Variants in GPR37L1 observed in about 807,000 individuals in gnomAD.
GPR37L1 encodes G protein-coupled receptor 37-like 1.
A neutral mutation model predicts 18.0 loss-of-function variants in GPR37L1; 18 were observed. The observed-to-expected ratio is 1.00, with a 90% CI of 0.69 to 1.49. The LOEUF is 1.49. Among genes scored for constraint, GPR37L1 ranks in the 40% most tolerant of loss-of-function variants. The pLI is 0.00. For synonymous variants in GPR37L1, 256 were observed against 273.9 expected, an observed-to-expected ratio of 0.93 and a Z score of 0.65; for missense variants, 558 against 615.1, an observed-to-expected ratio of 0.91 and a Z score of 0.98.
At chr1:202,125,851 A>T (rs758623734) in intron 1 of GPR37L1, among the ~76,000 whole-genome samples, 2 of 152,108 alleles carry the variant, frequency 1.3e-5, no homozygotes, top group Non-Finnish European at 2.9e-5. Context: ...CCTCCCAAGT[A>T]GCTGGTACCG....
chr1:202,123,519 A>G lies in GPR37L1; in HGVS notation c.556A>G (p.Ile186Val). 1.2e-6 allele frequency: 2 copies of G among 1,612,988 alleles called. No homozygotes were observed. The highest frequency in any genetic ancestry group is 1.3e-5 in the African/African-American group (1 of 74,690). Reference protein sequence around the residue: ...DFLVLFFCLPIVIFNEITKQR... With the variant: ...DFLVLFFCLPVVIFNEITKQR... ...TCTGGTCCTCTTTTTCTGCCTCCCT[A>G]TTGTCATCTTCAACGAGATCACCAA... The change falls in exon 1 of 2, where the codon ATT becomes GTT. Residue 186 changes from isoleucine to valine, a missense_variant. By Grantham distance (29) the Ile-to-Val change is conservative (BLOSUM62 3). Coordinates refer to ENST00000367282, the MANE Select transcript of GPR37L1 (RefSeq NM_004767.5).
At position 202,123,426 on chromosome 1, in the gene GPR37L1, G is replaced by T; in HGVS notation, c.463G>T (p.Val155Leu). 1 of 1,614,140 alleles carries T rather than the reference G, an allele frequency of 6.2e-7. No individual in the cohort carries two copies. The highest frequency in any genetic ancestry group is 1.1e-5 in the South Asian group (1 of 91,076). The change falls in exon 1 of 2, where the codon GTG becomes TTG. Residue 155 changes from valine (V) to leucine (L), a missense_variant. Transcript: ENST00000367282. ...GGGCAACCTGTCGGTCATGTGCATCGTGTGGCACAGCTACTACCTGAAGAG... is the reference window on the plus strand; with the variant it reads ...GGGCAACCTGTCGGTCATGTGCATCTTGTGGCACAGCTACTACCTGAAGAG... ...IVGNLSVMCI[V>L]WHSYYLKSAW...
Position 202,123,002 on chromosome 1 carries a change from G to T in GPR37L1, c.39G>T (p.Val13=). 2 of 1,613,420 alleles carry T rather than the reference G, an allele frequency of 1.2e-6. No homozygotes were observed. Among genetic ancestry groups the T allele is most frequent in the Non-Finnish European group, 8.5e-7 (1 of 1,180,018 alleles). ...GGCCCCTGGCTGTCTCTCTTGCTGT[G>T]ATTTTGGCTGTGGGGCTAAGCAGGG... ...WLWPLAVSLA[V]ILAVGLSRVS... Residue 13 remains valine (V), a synonymous_variant, in exon 1 of 2, where the codon GTG becomes GTT. Transcript: ENST00000367282.
Position 202,123,201 on chromosome 1 carries a change from A to G in GPR37L1, c.238A>G (p.Lys80Glu), listed in dbSNP as rs1654553815. 6.2e-7 allele frequency: 1 copy of G among 1,613,660 alleles called. No individual in the cohort carries two copies. The highest frequency in any genetic ancestry group is 1.3e-5 in the African/African-American group (1 of 74,916). The change falls in exon 1 of 2, where the codon AAG becomes GAG. Residue 80 changes from lysine (K) to glutamate (E), a missense_variant. Lys to Glu is a moderately conservative substitution (Grantham distance 56). Transcript: ENST00000367282. ...TCACCCTGCTGGCCTGCAGCCAACC[A>G]AGCCCTTGGTGGCCACCAGCCCTAA... ...PIHPAGLQPT[K>E]PLVATSPNPG... is the part of the protein sequence containing the mutation.
rs1046409004 is a variant in GPR37L1, at chr1:202,129,813, C to T, written c.*1257C>T. ...GCCTGGAAAATATCTCCTCTGGAGC[C>T]TTCATCTCTGCTATGCCCTCTCTCC... On this transcript the variant is annotated 3_prime_UTR_variant, in exon 2 of 2. Coordinates refer to ENST00000367282, the MANE Select transcript of GPR37L1 (RefSeq NM_004767.5). 6.6e-6 allele frequency: 1 copy of T among 152,416 alleles called. No homozygotes were observed. Among genetic ancestry groups the T allele is most frequent in the African/African-American group, 2.4e-5 (1 of 41,462 alleles). The allele number at this position is 152,416 out of a possible 1,614,324, so 9.4% of individuals were successfully genotyped here.
At position 202,130,984 on chromosome 1, in the gene GPR37L1, C is replaced by T. The variant is rs912538605; in HGVS notation, c.*2428C>T. 2.0e-5 allele frequency: 3 copies of T among 152,274 alleles called. No homozygotes were observed. The highest frequency in any genetic ancestry group is 7.2e-5 in the African/African-American group (3 of 41,466). 9.4% of individuals were successfully genotyped at this position (152,274 alleles called of 1,614,324 possible). On this transcript the variant is annotated 3_prime_UTR_variant, in exon 2 of 2. Transcript: ENST00000367282. ...GCTCTGCCACCGCCACCTCCCAAGC[C>T]TGCCAACGTGAATGGCTTGCAGAAT...
intron 1 of GPR37L1, among the ~76,000 whole-genome samples, chr1:202,124,768 T>C (rs544924200): frequency 9.2e-5 from 14 of 152,308 alleles, no homozygotes; most frequent in East Asian, 1.9e-4. Flanking sequence ...GATGATGTCA[T>C]AGTTGGACAG....
At chr1:202,126,132 G>A (rs530239578) in intron 1 of GPR37L1, among the ~76,000 whole-genome samples, 21 of 152,166 alleles carry the variant, frequency 1.4e-4, no homozygotes, top group Admixed American at 1.2e-3. Context: ...GGGCAGGGCC[G>A]GGCACGGTGG....
Position 202,123,211 on chromosome 1 carries a change from T to C in GPR37L1, c.248T>C (p.Val83Ala). 6.2e-7 allele frequency: 1 copy of C among 1,613,748 alleles called. No individual in the cohort carries two copies. Among genetic ancestry groups the C allele is most frequent in the Non-Finnish European group, 8.5e-7 (1 of 1,179,898 alleles). The change falls in exon 1 of 2, where the codon GTG becomes GCG. Residue 83 changes from valine to alanine, a missense_variant. By Grantham distance (64) the Val-to-Ala change is moderately conservative. Transcript: ENST00000367282. ...GGCCTGCAGCCAACCAAGCCCTTGG[T>C]GGCCACCAGCCCTAACCCCGGCAAG... ...PAGLQPTKPL[V>A]ATSPNPGKDG...
rs1373873141 is a variant in GPR37L1 at position 202,131,928 on chromosome 1, G to T, written c.*3372G>T. On this transcript the variant is annotated 3_prime_UTR_variant, in exon 2 of 2. Transcript: ENST00000367282. ...ATTTTTGATTATTTGTAGAGATAGG[G>T]TCTCACTATTTTGCCCAGGCTGGTC... 2.0e-5 allele frequency: 3 copies of T among 152,072 alleles called. No homozygotes were observed. The allele number at this position is 152,072 out of a possible 1,614,324, so 9.4% of individuals were successfully genotyped here. A position where few individuals can be genotyped will look rare whatever the true frequency, so the allele number is the denominator to read the frequency against.
At position 202,123,525 on chromosome 1, in the gene GPR37L1, A is replaced by G. The variant is rs375369601; in HGVS notation, c.562A>G (p.Ile188Val). 1.2e-6 allele frequency: 2 copies of G among 1,612,772 alleles called. No individual in the cohort carries two copies. Among genetic ancestry groups the G allele is most frequent in the Non-Finnish European group, 1.7e-6 (2 of 1,179,526 alleles). The part of the protein sequence containing the change: ...LVLFFCLPIV[I>V]FNEITKQRLL... ...CCTCTTTTTCTGCCTCCCTATTGTC[A>G]TCTTCAACGAGATCACCAAGCAGAG... Residue 188 changes from isoleucine to valine, a missense_variant, in exon 1 of 2, where the codon ATC becomes GTC. Coordinates refer to ENST00000367282, the MANE Select transcript of GPR37L1 (RefSeq NM_004767.5).
In GPR37L1 at chr1:202,131,262, C is replaced by T. The variant is rs1654846437; in HGVS notation, c.*2706C>T. 1 of 152,162 alleles carries T rather than the reference C, an allele frequency of 6.6e-6. No homozygotes were observed. Among genetic ancestry groups the T allele is most frequent in the Non-Finnish European group, 1.5e-5 (1 of 68,034 alleles). 9.4% of individuals were successfully genotyped at this position (152,162 alleles called of 1,614,324 possible). On this transcript the variant is annotated 3_prime_UTR_variant, in exon 2 of 2. Transcript: ENST00000367282. ...GGGAGCCTGAAATCCACTGGGTCTC[C>T]CTGCTCCACTTGGGAGTCACCTTCT... is the stretch of plus-strand genomic sequence containing the variant.
chr1:202,127,307 T>TTTCCTTCC (rs59628778), intron 1 of GPR37L1, among the ~76,000 whole-genome samples: 89 of 138,974 alleles, frequency 6.4e-4, no homozygotes, highest in Admixed American at 7.5e-4. Flanking sequence ...TCCTTCCTTC[T>TTTCCTTCC]TTCCTTCCTT....
At chr1:202,127,617 A>T in intron 1 of GPR37L1, 124 bp from the exon 2 acceptor site, 1 of 707,268 alleles carries the variant, frequency 1.4e-6, no homozygotes. Context: ...CACCCGGCCC[A>T]TTATTATAAT....
In GPR37L1 at chr1:202,128,563, A is replaced by G; in HGVS notation, c.*7A>G. 3 of 968,324 alleles carry G rather than the reference A, an allele frequency of 3.1e-6. No homozygotes were observed. Among genetic ancestry groups the G allele is most frequent in the Non-Finnish European group, 4.5e-6 (3 of 661,054 alleles). 60.0% of individuals were successfully genotyped at this position (968,324 alleles called of 1,614,324 possible). On this transcript the variant is annotated 3_prime_UTR_variant, in exon 2 of 2. Coordinates refer to ENST00000367282, the MANE Select transcript of GPR37L1 (RefSeq NM_004767.5). ...CCTGGGCACACCTTGCTGAGGCCCC[A>G]GTAGGGGTGGGGAGGGAGGGAGAGG... is the stretch of plus-strand genomic sequence containing the variant.
chr1:202,123,398 T>G lies in GPR37L1; in HGVS notation c.435T>G (p.Ile145Met). ...LLALVVFAVG[I>M]VGNLSVMCIV... ...CGCTGGTGGTGTTTGCGGTGGGCAT[T>G]GTGGGCAACCTGTCGGTCATGTGCA... The change falls in exon 1 of 2, where the codon ATT becomes ATG. Residue 145 changes from isoleucine (I) to methionine (M), a missense_variant. Transcript: ENST00000367282. The G allele has an allele frequency of 6.2e-7, 1 of 1,614,046 alleles. No individual in the cohort carries two copies. The highest frequency in any genetic ancestry group is 1.1e-5 in the South Asian group (1 of 91,072).
Position 202,133,400 on chromosome 1 carries a change from C to G in GPR37L1, c.*4844C>G, listed in dbSNP as rs562704057. On this transcript the variant is annotated 3_prime_UTR_variant, in exon 2 of 2. Transcript: ENST00000367282. ...CGGAAAAGTAACCAGCACCATACAC[C>G]CCCCCCAACACAAAACTGGTCATTT... The G allele has an allele frequency of 1.3e-5, 2 of 151,996 alleles. No homozygotes were observed. The highest frequency in any genetic ancestry group is 6.5e-5 in the Admixed American group (1 of 15,268). The allele number at this position is 151,996 out of a possible 1,614,324, so 9.4% of individuals were successfully genotyped here. A position where few individuals can be genotyped will look rare whatever the true frequency, so the allele number is the denominator to read the frequency against.
In GPR37L1 at chr1:202,123,126, G is replaced by A; in HGVS notation, c.163G>A (p.Gly55Ser). Residue 55 changes from glycine to serine, a missense_variant, in exon 1 of 2, where the codon GGC (glycine) becomes AGC (serine). Gly to Ser is a moderately conservative substitution (Grantham distance 56). Transcript: ENST00000367282. ...KRGTEDEEAK[G>S]VQQYVPEEWA... is the part of the protein sequence containing the mutation. ...GGGCACCGAGGATGAGGAGGCCAAG[G>A]GCGTGCAGCAGTATGTGCCTGAGGA... 6.2e-7 allele frequency: 1 copy of A among 1,613,728 alleles called. No individual in the cohort carries two copies. The highest frequency in any genetic ancestry group is 8.5e-7 in the Non-Finnish European group (1 of 1,179,854).
At chr1:202,125,153 CAAAAAAAAAAA>C (rs10593843) in intron 1 of GPR37L1, among the ~76,000 whole-genome samples, 22 of 77,886 alleles carry the variant, frequency 2.8e-4, no homozygotes, top group African/African-American at 1.1e-3. Flanking sequence ...AATTCTGTCT[CAAAAAAAAAAA>C]AAAAAAAAAA....
Sources: gnomAD v4.1 joint callset for allele counts (sites outside exome capture counted in the v4.1 genomes callset) on GRCh38, gnomAD v4.1.1 for gene constraint, MANE v1.5 for transcripts, NCBI Gene and HGNC (gene_info 2026-07-23, HGNC 2026-07-21) for gene names.